The following SPIDR variants were observed in gnomAD, a reference collection of about 807,000 sequenced individuals.
SPIDR encodes the protein DNA repair-scaffolding protein.
SPIDR carries 93 observed loss-of-function variants against 104.6 expected under a neutral mutation model. The observed-to-expected ratio is 0.89, with a 90% confidence interval of 0.75 to 1.06. The LOEUF is 1.06. Among genes scored for constraint, SPIDR ranks in the 50% least tolerant of loss-of-function variants. The pLI is 0.00. For missense variants in SPIDR, 1,154 were observed against 1,111.2 expected (o/e 1.04, Z -0.55); for synonymous variants, 431 against 416.9 (o/e 1.03, Z -0.41).
intron 10 of SPIDR, among the ~76,000 whole-genome samples, chr8:47,663,060 T>C (rs1263105904): frequency 6.6e-6 from 1 of 152,226 alleles, no homozygotes; most frequent in Non-Finnish European, 1.5e-5. Context: ...GTCTTTCTTA[T>C]TATCTTCTAG....
chr8:47,307,834 C>T (rs945315269), intron 5 of SPIDR, among the ~76,000 whole-genome samples: 3 of 152,014 alleles, frequency 2.0e-5, no homozygotes, highest in East Asian at 1.9e-4. Context: ...CCACTGTGCC[C>T]GCCCTAGTAC....
intron 8 of SPIDR, among the ~76,000 whole-genome samples, chr8:47,489,297 G>T (rs1283422477): frequency 1.3e-5 from 2 of 152,166 alleles, no homozygotes; most frequent in Non-Finnish European, 2.9e-5. Flanking sequence ...ACTTACAAGG[G>T]ATGTGAAGGA....
At chr8:47,406,442 CAG>C (rs1554667322) in intron 6 of SPIDR, among the ~76,000 whole-genome samples, 1 of 152,090 alleles carries the variant, frequency 6.6e-6, no homozygotes, top group Non-Finnish European at 1.5e-5. Context: ...TTCATGTAAA[CAG>C]AATGATATGA....
Position 47,729,465 on chromosome 8 carries a change from G to T in SPIDR, c.2604G>T (p.Gly868=). 6.3e-7 allele frequency: 1 copy of T among 1,595,604 alleles called. No individual in the cohort carries two copies. ...SLLRFAAGED[G]SYEVKSVLGK... is the part of the protein sequence containing the mutation. Reference sequence around the variant, plus strand: ...TGAGGTTTGCCGCCGGTGAAGATGGGGTAAGTGCAGGGGGCCCAGCCCAGG... The same window carrying T: ...TGAGGTTTGCCGCCGGTGAAGATGGTGTAAGTGCAGGGGGCCCAGCCCAGG... Residue 868 remains glycine (G), a splice_region_variant and synonymous_variant, in exon 19 of 20, where the codon GGG becomes GGT. Coordinates refer to ENST00000297423, the MANE Select transcript of SPIDR (RefSeq NM_001080394.4).
At chr8:47,494,656 C>A (rs1221398949) in intron 8 of SPIDR, among the ~76,000 whole-genome samples, 1 of 151,962 alleles carries the variant, frequency 6.6e-6, no homozygotes, top group Non-Finnish European at 1.5e-5. Context: ...ATCTGAAAGT[C>A]TTTCACAAAC....
chr8:47,658,932 A>G (rs1277360442), intron 10 of SPIDR, among the ~76,000 whole-genome samples: 3 of 145,420 alleles, frequency 2.1e-5, no homozygotes, highest in Non-Finnish European at 4.5e-5. Flanking sequence ...GCAAAACTCC[A>G]TCTCCATCTC....
intron 7 of SPIDR, among the ~76,000 whole-genome samples, chr8:47,416,276 A>C (rs1359429574): frequency 2.6e-5 from 4 of 152,140 alleles, no homozygotes; most frequent in Non-Finnish European, 4.4e-5. Flanking sequence ...ATGGAATAAT[A>C]TAGTTTATAA....
At chr8:47,511,327 G>A in intron 8 of SPIDR, 1 of 1,240,516 alleles carries the variant, frequency 8.1e-7, no homozygotes, top group East Asian at 2.3e-5. Context: ...CAGTTGGACT[G>A]GAGAGATGGT....
intron 2 of SPIDR, among the ~76,000 whole-genome samples, chr8:47,280,394 A>ATTT (rs11435263): frequency 7.2e-6 from 1 of 138,748 alleles, no homozygotes; most frequent in African/African-American, 2.7e-5. Flanking sequence ...TGCCTGGCTA[A>ATTT]TTTTTTTTTT....
At chr8:47,345,977 G>A (rs969239448) in intron 5 of SPIDR, among the ~76,000 whole-genome samples, 3 of 152,030 alleles carry the variant, frequency 2.0e-5, no homozygotes, top group Admixed American at 6.6e-5. Context: ...CCTGATTGCC[G>A]TGGCCAGAAT....
chr8:47,572,326 G>A (rs938710834), intron 8 of SPIDR, among the ~76,000 whole-genome samples: 2 of 151,928 alleles, frequency 1.3e-5, no homozygotes, highest in African/African-American at 4.8e-5. Context: ...GAATTCAGTC[G>A]ATAAGATATT....
At chr8:47,628,014 A>G (rs908575867) in intron 10 of SPIDR, among the ~76,000 whole-genome samples, 2 of 152,214 alleles carry the variant, frequency 1.3e-5, no homozygotes, top group Non-Finnish European at 2.9e-5. Context: ...CTGTGTTTAC[A>G]TGAACTCACT....
intron 8 of SPIDR, among the ~76,000 whole-genome samples, chr8:47,575,777 T>C (rs1587959583): frequency 6.6e-6 from 1 of 151,026 alleles, no homozygotes; most frequent in South Asian, 2.1e-4. Flanking sequence ...CTGACCAACA[T>C]GGTGAAACCC....
intron 19 of SPIDR, among the ~76,000 whole-genome samples, chr8:47,734,086 C>CT (rs1314768634): frequency 6.6e-6 from 1 of 152,164 alleles, no homozygotes; most frequent in African/African-American, 2.4e-5. Flanking sequence ...AATATTCATT[C>CT]TGTGCACAGA....
chr8:47,330,590 C>T (rs970819553), intron 5 of SPIDR, among the ~76,000 whole-genome samples: 6 of 152,180 alleles, frequency 3.9e-5, no homozygotes, highest in Non-Finnish European at 8.8e-5. Flanking sequence ...TCCAGAATGT[C>T]ATACAGTTGG....
chr8:47,419,243 G>T (rs1190433005), intron 7 of SPIDR: 3 of 152,074 alleles, frequency 2.0e-5, no homozygotes, highest in Non-Finnish European at 2.9e-5. Flanking sequence ...GAATCCATCT[G>T]GTCCTGGACT....
chr8:47,618,390 A>T (rs1319349445), intron 10 of SPIDR, among the ~76,000 whole-genome samples: 2 of 152,052 alleles, frequency 1.3e-5, no homozygotes, highest in Non-Finnish European at 2.9e-5. Context: ...GCATACATTA[A>T]CTCAAACTGT....
intron 8 of SPIDR, among the ~76,000 whole-genome samples, chr8:47,494,815 G>T (rs2079203412): frequency 6.6e-6 from 1 of 152,166 alleles, no homozygotes; most frequent in Admixed American, 6.5e-5. Flanking sequence ...CTCTCACTCA[G>T]CTTGCCCTGC....
Position 47,735,614 on chromosome 8 carries a change from G to C in SPIDR, c.*164G>C. ...GGGAAATGTTCAGATACAGTTTTGT[G>C]AACTGTAAATCAAAATACCTTTTTC... is the stretch of plus-strand genomic sequence containing the variant. On this transcript the variant is annotated 3_prime_UTR_variant, in exon 20 of 20. Transcript: ENST00000297423. 1 of 1,355,870 alleles carries C rather than the reference G, an allele frequency of 7.4e-7. No homozygotes were observed. Among genetic ancestry groups the C allele is most frequent in the Middle Eastern group, 2.6e-4 (1 of 3,858 alleles). The allele number at this position is 1,355,870 out of a possible 1,614,324, so 84.0% of individuals were successfully genotyped here.
Sources: allele counts gnomAD v4.1 joint callset (sites outside exome capture counted in the v4.1 genomes callset), GRCh38; gene constraint gnomAD v4.1.1; transcripts MANE v1.5; gene names NCBI Gene and HGNC (gene_info 2026-07-23, HGNC 2026-07-21).